Variants in KCNH5 observed in about 807,000 individuals in gnomAD.
KCNH5 encodes potassium voltage-gated channel subfamily H member 5.
In KCNH5, 46 loss-of-function variants were observed where a neutral mutation model predicts 96.1. The ratio of observed to expected loss-of-function variants is 0.48; its 90% CI spans 0.38 to 0.61. The LOEUF (loss-of-function observed/expected upper bound fraction) is 0.61, where lower values mean the gene tolerates loss of function less well. KCNH5 is among the 20% of genes least tolerant of loss of function. The pLI, the probability that KCNH5 is intolerant of heterozygous loss-of-function variation, is 0.00. For missense variants in KCNH5, 907 were observed against 1,225.8 expected (o/e 0.74, Z 3.88); for synonymous variants, 439 against 449.8 (o/e 0.98, Z 0.30).
chr14:62,916,958 G>A (rs1889287213), intron 7 of KCNH5, among the ~76,000 whole-genome samples: 1 of 152,156 alleles, frequency 6.6e-6, no homozygotes, highest in Admixed American at 6.5e-5. Context: ...GAAGAATCCT[G>A]AAAATTCTAG....
intron 6 of KCNH5, among the ~76,000 whole-genome samples, chr14:62,963,174 C>T (rs1302229850): frequency 6.6e-6 from 1 of 152,076 alleles, no homozygotes; most frequent in Admixed American, 6.6e-5. Flanking sequence ...ACTTTTATTA[C>T]AGTACATTAT....
In KCNH5 at chr14:62,950,574, A is replaced by G. The variant is rs1889984357; in HGVS notation, c.943-15T>C. On this transcript the variant is annotated splice_polypyrimidine_tract_variant and intron_variant, in intron 6 of 10. Coordinates refer to ENST00000322893, the MANE Select transcript of KCNH5 (RefSeq NM_139318.5). ...CTGCTGATTCCCTGGATTTAAAAAA[A>G]AAAAAAAAATTACACCACATTTTCA... 1 of 1,525,206 alleles carries G rather than the reference A, an allele frequency of 6.6e-7. No individual in the cohort carries two copies. The highest frequency in any genetic ancestry group is 2.2e-5 in the Admixed American group (1 of 44,502). 94.5% of individuals were successfully genotyped at this position (1,525,206 alleles called of 1,614,324 possible).
intron 7 of KCNH5, among the ~76,000 whole-genome samples, chr14:62,932,689 C>G (rs899331071): frequency 6.6e-6 from 1 of 151,974 alleles, no homozygotes; most frequent in African/African-American, 2.4e-5. Context: ...TCATAGTAAC[C>G]TCACAATACT....
At chr14:62,917,800 G>T (rs1332721020) in intron 7 of KCNH5, among the ~76,000 whole-genome samples, 2 of 152,170 alleles carry the variant, frequency 1.3e-5, no homozygotes, top group African/African-American at 4.8e-5. Context: ...CATTCCTATG[G>T]CTCTTTTCTT....
intron 8 of KCNH5, among the ~76,000 whole-genome samples, chr14:62,814,235 G>C (rs1038361031): frequency 6.6e-6 from 1 of 152,120 alleles, no homozygotes; most frequent in African/African-American, 2.4e-5. Flanking sequence ...CACAATATTA[G>C]TTTTGCAGTA....
intron 8 of KCNH5, among the ~76,000 whole-genome samples, chr14:62,845,778 TG>T (rs780333023): frequency 2.0e-5 from 3 of 152,230 alleles, no homozygotes; most frequent in Non-Finnish European, 2.9e-5. Flanking sequence ...AGGAGATGAT[TG>T]GAAGTTTGGT....
intron 7 of KCNH5, among the ~76,000 whole-genome samples, chr14:62,927,300 G>A (rs974292696): frequency 1.3e-5 from 2 of 152,082 alleles, no homozygotes; most frequent in African/African-American, 4.8e-5. Context: ...AATGTGAAAT[G>A]GTACAAGCAC....
At chr14:62,745,387 C>T (rs1444367038) in intron 10 of KCNH5, among the ~76,000 whole-genome samples, 2 of 152,164 alleles carry the variant, frequency 1.3e-5, no homozygotes, top group African/African-American at 4.8e-5. Flanking sequence ...TAAACTAAAT[C>T]AGTATTAAGT....
At chr14:62,860,724 T>C (rs886618272) in intron 7 of KCNH5, among the ~76,000 whole-genome samples, 1 of 152,166 alleles carries the variant, frequency 6.6e-6, no homozygotes. Context: ...ACCTACCCCA[T>C]TGCTTAAGGC....
chr14:62,824,304 G>T (rs928202666), intron 8 of KCNH5, among the ~76,000 whole-genome samples: 1 of 151,788 alleles, frequency 6.6e-6, no homozygotes, highest in African/African-American at 2.4e-5. Context: ...CCCTAAAGGC[G>T]TTCACTCATT....
rs201946805 is a variant in KCNH5 at position 62,939,940 on chromosome 14, C to CA, written c.1369+10192dup. 2.8e-3 allele frequency among the ~76,000 whole-genome samples: 419 copies of CA among 148,102 alleles called. 2 individuals carry two copies. Among genetic ancestry groups the CA allele is most frequent in the African/African-American group, 1.0e-2 (403 of 40,356 alleles). ...GGGTGGCAAGAGCAAAAATCTGCCT[C>CA]AAAAAAAAAATTTTTTCAGGAAGCT... On this transcript the variant is annotated intron_variant, in intron 7 of 10. Coordinates refer to ENST00000322893, the MANE Select transcript of KCNH5 (RefSeq NM_139318.5).
chr14:62,704,883 A>T lies in KCNH5; in HGVS notation c.*2625T>A, dbSNP rs1015972320. 2 of 151,906 alleles carry T rather than the reference A, an allele frequency of 1.3e-5. No homozygotes were observed. The highest frequency in any genetic ancestry group is 2.9e-5 in the Non-Finnish European group (2 of 67,814). The allele number at this position is 151,906 out of a possible 1,614,324, so 9.4% of individuals were successfully genotyped here. ...TCTCCCTTCATTCAAATCTGAGTAA[A>T]TTCAACTGCTAAGATTTGTGGAATC... is the stretch of plus-strand genomic sequence containing the variant. On this transcript the variant is annotated 3_prime_UTR_variant, in exon 11 of 11. Transcript: ENST00000322893.
At chr14:62,900,797 T>A (rs138254643) in intron 7 of KCNH5, among the ~76,000 whole-genome samples, 71 of 152,034 alleles carry the variant, frequency 4.7e-4, no homozygotes, top group African/African-American at 1.6e-3. Context: ...AAAAATCCCA[T>A]AAGATAATGA....
chr14:62,956,977 G>C (rs1053458315), intron 6 of KCNH5, among the ~76,000 whole-genome samples: 2 of 152,158 alleles, frequency 1.3e-5, no homozygotes, highest in African/African-American at 4.8e-5. Context: ...CAGCCTCTGA[G>C]CTATTAGTAC....
chr14:62,967,628 T>C (rs1000286748), intron 6 of KCNH5, among the ~76,000 whole-genome samples: 2 of 152,148 alleles, frequency 1.3e-5, no homozygotes, highest in African/African-American at 4.8e-5. Context: ...CATTAGGGAA[T>C]AAAATGAAGT....
chr14:62,867,617 T>C (rs1888159866), intron 7 of KCNH5, among the ~76,000 whole-genome samples: 1 of 152,198 alleles, frequency 6.6e-6, no homozygotes, highest in African/African-American at 2.4e-5. Context: ...AGCTAGTACA[T>C]TACTTTAAAA....
At chr14:62,963,742 G>C (rs899928906) in intron 6 of KCNH5, among the ~76,000 whole-genome samples, 4 of 152,098 alleles carry the variant, frequency 2.6e-5, no homozygotes, top group African/African-American at 9.6e-5. Flanking sequence ...GATACACCCA[G>C]TAACAATGTG....
At chr14:62,864,595 C>G (rs1175396071) in intron 7 of KCNH5, among the ~76,000 whole-genome samples, 3 of 152,176 alleles carry the variant, frequency 2.0e-5, no homozygotes, top group Non-Finnish European at 4.4e-5. Flanking sequence ...AATTTGCAAA[C>G]TGTACTCTCT....
intron 6 of KCNH5, among the ~76,000 whole-genome samples, chr14:62,976,508 G>GA (rs1890503325): frequency 6.6e-6 from 1 of 151,860 alleles, no homozygotes; most frequent in African/African-American, 2.4e-5. Flanking sequence ...GAGGGCTGGA[G>GA]AAAATCATAA....
Sources: gnomAD v4.1 joint callset for allele counts (sites outside exome capture counted in the v4.1 genomes callset) on GRCh38, gnomAD v4.1.1 for gene constraint, MANE v1.5 for transcripts, NCBI Gene and HGNC (gene_info 2026-07-23, HGNC 2026-07-21) for gene names.